WWOX: variants seen among roughly 807,000 people sequenced by gnomAD.
The protein encoded by WWOX is WW domain-containing oxidoreductase.
In WWOX, 69 loss-of-function variants were observed where a neutral mutation model predicts 46.2. The ratio of observed to expected loss-of-function variants is 1.49; its 90% CI spans 1.23 to 1.82. The LOEUF is 1.82. WWOX is among the 40% of genes most tolerant of loss of function. WWOX has a pLI of 0.00. For missense variants in WWOX, 919 were observed against 542.6 expected (o/e 1.69, Z -6.89); for synonymous variants, 359 against 202.6 (o/e 1.77, Z -6.56).
intron 8 of WWOX, among the ~76,000 whole-genome samples, chr16:78,466,111 A>G (rs543775112): frequency 6.6e-6 from 1 of 152,030 alleles, no homozygotes; most frequent in African/African-American, 2.4e-5. Flanking sequence ...TGCTCACTGC[A>G]AGCTCCGCCT....
chr16:78,662,492 G>A (rs2047238642), intron 8 of WWOX, among the ~76,000 whole-genome samples: 1 of 152,140 alleles, frequency 6.6e-6, no homozygotes, highest in Non-Finnish European at 1.5e-5. Flanking sequence ...CACCTACCAT[G>A]TAGGTGCTCA....
intron 8 of WWOX, among the ~76,000 whole-genome samples, chr16:79,022,344 C>CAA (rs10654627): frequency 0.2 from 14,455 of 70,934 alleles, 1,300 homozygotes; most frequent in East Asian, 0.29. Context: ...CAATCTGTGG[C>CAA]AAAAAAAAAA....
In WWOX at chr16:78,255,881, C is replaced by T. The variant is rs552217799; in HGVS notation, c.516+91592C>T. On this transcript the variant is annotated intron_variant, in intron 5 of 8. Transcript: ENST00000566780. ...AATCACGACCAGGCACAGTGGCTCG[C>T]GCCTGTAATCTCATAATCTCAGCAC... 1.5e-3 allele frequency among the ~76,000 whole-genome samples: 228 copies of T among 152,192 alleles called. 3 individuals carry two copies. Among genetic ancestry groups the T allele is most frequent in the Non-Finnish European group, 2.6e-3 (175 of 68,022 alleles).
chr16:78,965,198 T>A lies in WWOX; in HGVS notation c.1057-246410T>A, dbSNP rs190168618. On this transcript the variant is annotated intron_variant, in intron 8 of 8. Transcript: ENST00000566780. ...AACTAAGCTCTTTAAACCTCATATG[T>A]TTCCATCAGTAACATGGGAACAATA... Among the ~76,000 whole-genome samples the A allele has an allele frequency of 9.8e-5, 15 of 152,348 alleles. No homozygotes were observed. In the East Asian group the frequency reaches 2.9e-3, roughly 29 times the overall value.
At chr16:78,922,129 C>T (rs908377013) in intron 8 of WWOX, among the ~76,000 whole-genome samples, 8 of 152,206 alleles carry the variant, frequency 5.3e-5, no homozygotes, top group Admixed American at 6.5e-5. Context: ...GTCTTCGTTG[C>T]GTAGGTGTGA....
At chr16:78,568,066 A>G (rs1179730769) in intron 8 of WWOX, among the ~76,000 whole-genome samples, 1 of 152,208 alleles carries the variant, frequency 6.6e-6, no homozygotes, top group Non-Finnish European at 1.5e-5. Flanking sequence ...AGTGCCTGCG[A>G]GAGACTCTTA....
At chr16:79,087,984 C>G (rs900005393) in intron 8 of WWOX, among the ~76,000 whole-genome samples, 1 of 152,172 alleles carries the variant, frequency 6.6e-6, no homozygotes, top group Admixed American at 6.5e-5. Context: ...TCCTTGGCTT[C>G]TCTCTTCCAT....
chr16:79,123,639 C>G (rs1348238328), intron 8 of WWOX, among the ~76,000 whole-genome samples: 3 of 152,198 alleles, frequency 2.0e-5, no homozygotes, highest in Non-Finnish European at 4.4e-5. Context: ...CCCCAAGGCT[C>G]CAGGCTTTTT....
chr16:78,993,902 C>T (rs1301829384), intron 8 of WWOX, among the ~76,000 whole-genome samples: 2 of 152,148 alleles, frequency 1.3e-5, no homozygotes, highest in Admixed American at 6.5e-5. Flanking sequence ...TGGGTGCAGG[C>T]ATTATTTCCA....
intron 8 of WWOX, among the ~76,000 whole-genome samples, chr16:79,041,374 C>T (rs547113065): frequency 5.9e-5 from 9 of 152,280 alleles, no homozygotes; most frequent in Non-Finnish European, 1.2e-4. Flanking sequence ...CTGGAATGCC[C>T]ATTCCCTGAT....
intron 8 of WWOX, among the ~76,000 whole-genome samples, chr16:78,949,564 A>G (rs1287703729): frequency 1.3e-5 from 2 of 152,188 alleles, no homozygotes; most frequent in Admixed American, 6.5e-5. Context: ...ACCCCAACAC[A>G]TAATGCTGTA....
At chr16:79,165,459 A>T (rs1406467056) in intron 8 of WWOX, among the ~76,000 whole-genome samples, 2 of 152,174 alleles carry the variant, frequency 1.3e-5, no homozygotes, top group African/African-American at 2.4e-5. Flanking sequence ...AAATGTCTAT[A>T]AAAAAATACG....
At chr16:78,298,895 T>A (rs559486110) in intron 5 of WWOX, among the ~76,000 whole-genome samples, 1 of 152,312 alleles carries the variant, frequency 6.6e-6, no homozygotes, top group Non-Finnish European at 1.5e-5. Flanking sequence ...AAGGCCTCAG[T>A]AACTGTTAGC....
intron 8 of WWOX, among the ~76,000 whole-genome samples, chr16:78,537,261 G>A (rs1308764345): frequency 6.6e-6 from 1 of 152,054 alleles, no homozygotes; most frequent in African/African-American, 2.4e-5. Flanking sequence ...CTGCCTCCCT[G>A]TCTCCCTGCC....
intron 8 of WWOX, among the ~76,000 whole-genome samples, chr16:78,901,485 G>A (rs541280589): frequency 1.2e-4 from 19 of 152,048 alleles, no homozygotes; most frequent in Non-Finnish European, 2.1e-4. Flanking sequence ...CTGGTAGTCA[G>A]TGTTCTCTTT....
intron 8 of WWOX, among the ~76,000 whole-genome samples, chr16:78,609,377 AATAGC>A (rs1471042538): frequency 1.3e-5 from 2 of 152,152 alleles, no homozygotes. Context: ...GAAACACTGA[AATAGC>A]TATATGCTTC....
intron 8 of WWOX, among the ~76,000 whole-genome samples, chr16:78,971,192 G>A (rs2046461703): frequency 6.6e-6 from 1 of 152,032 alleles, no homozygotes; most frequent in African/African-American, 2.4e-5. Flanking sequence ...CGGGCACGGT[G>A]GCCTACACCT....
chr16:79,094,960 C>T (rs1171638850), intron 8 of WWOX, among the ~76,000 whole-genome samples: 1 of 152,078 alleles, frequency 6.6e-6, no homozygotes, highest in African/African-American at 2.4e-5. Context: ...GCCTGGTCAG[C>T]TTCTGAATTC....
rs557448244 is a variant in WWOX, at chr16:79,186,528, C to A, written c.1057-25080C>A. On this transcript the variant is annotated intron_variant, in intron 8 of 8. Coordinates refer to ENST00000566780, the MANE Select transcript of WWOX (RefSeq NM_016373.4). ...GGTCACATTGGATTAAGGGCCTACC[C>A]TATTCCAGTCTGACTGCATCTTAAC... Among the ~76,000 whole-genome samples, 29 of 152,346 alleles carry A rather than the reference C, an allele frequency of 1.9e-4. No homozygotes were observed. The South Asian group carries it at 5.4e-3, about 28-fold the overall frequency.
Sources: allele counts gnomAD v4.1 joint callset (sites outside exome capture counted in the v4.1 genomes callset), GRCh38; gene constraint gnomAD v4.1.1; transcripts MANE v1.5; gene names NCBI Gene and HGNC (gene_info 2026-07-23, HGNC 2026-07-21).